The following ADAMTSL1 variants were observed in gnomAD, a reference collection of about 807,000 sequenced individuals.
ADAMTSL1 encodes ADAMTS-like protein 1.
ADAMTSL1 carries 126 observed loss-of-function variants against 201.8 expected under a neutral mutation model. The observed-to-expected ratio is 0.62, with a 90% confidence interval of 0.54 to 0.72. The LOEUF (loss-of-function observed/expected upper bound fraction) is 0.72, where lower values mean the gene tolerates loss of function less well. ADAMTSL1 is among the 30% of genes least tolerant of loss of function. ADAMTSL1 has a pLI of 0.00. For missense variants in ADAMTSL1, 2,679 were observed against 2,277.8 expected, an observed-to-expected ratio of 1.18 and a Z score of -3.59; for synonymous variants, 1,121 against 903.4, an observed-to-expected ratio of 1.24 and a Z score of -4.32.
At position 18,102,575 on chromosome 9, in the gene ADAMTSL1, A is replaced by G. The variant is rs16936314; in HGVS notation, c.88-61287A>G. On this transcript the variant is annotated intron_variant, in intron 1 of 29. Coordinates refer to the ADAMTSL1 transcript ENST00000680146. ...AATTGGAAAATGTCTTGGATGATGA[A>G]TAAGATTTTGACCAGCAAGATGTGG... 6.9e-3 allele frequency among the ~76,000 whole-genome samples: 1,049 copies of G among 152,342 alleles called. 16 individuals carry two copies. Among genetic ancestry groups the G allele is most frequent in the African/African-American group, 0.024 (998 of 41,576 alleles).
intron 20 of ADAMTSL1, among the ~76,000 whole-genome samples, chr9:18,814,588 A>G (rs1166736723): frequency 1.3e-5 from 2 of 152,226 alleles, no homozygotes; most frequent in African/African-American, 2.4e-5. Context: ...TTGTAGGAAC[A>G]TGGATGGAGC....
intron 2 of ADAMTSL1, among the ~76,000 whole-genome samples, chr9:18,186,398 A>G (rs1289113036): frequency 3.9e-5 from 6 of 152,092 alleles, no homozygotes; most frequent in Admixed American, 3.3e-4. Flanking sequence ...TTGAAGTAGG[A>G]TGATATCATG....
chr9:18,452,964 T>C (rs1290887057), intron 2 of ADAMTSL1, among the ~76,000 whole-genome samples: 3 of 152,168 alleles, frequency 2.0e-5, no homozygotes, highest in Non-Finnish European at 4.4e-5. Flanking sequence ...ATTTCCAAGG[T>C]TCCAATAGGC....
Position 18,558,194 on chromosome 9 carries a change from G to A in ADAMTSL1, c.238-15836G>A, listed in dbSNP as rs149927426. On this transcript the variant is annotated intron_variant, in intron 3 of 28. Coordinates refer to ENST00000380548, the MANE Select transcript of ADAMTSL1 (RefSeq NM_001040272.6). ...CTCCCAACAGGCCCCAGTGTGTGAC[G>A]TTCCTTTCCCTGTGTCCATGTGTTC... 7.9e-3 allele frequency among the ~76,000 whole-genome samples: 1,195 copies of A among 152,112 alleles called. 20 individuals carry two copies. The highest frequency in any genetic ancestry group is 0.027 in the African/African-American group (1,131 of 41,502).
intron 1 of ADAMTSL1, among the ~76,000 whole-genome samples, chr9:18,066,542 A>C (rs1387155495): frequency 6.6e-6 from 1 of 152,248 alleles, no homozygotes; most frequent in Non-Finnish European, 1.5e-5. Context: ...CTAGCTCTTT[A>C]CTAAAATATT....
chr9:18,741,426 G>T (rs72690516), intron 15 of ADAMTSL1, among the ~76,000 whole-genome samples: 1 of 152,296 alleles, frequency 6.6e-6, no homozygotes, highest in Non-Finnish European at 1.5e-5. Context: ...TCAAAACTGT[G>T]GATCCTGACA....
At chr9:18,803,050 C>T (rs1468464195) in intron 20 of ADAMTSL1, among the ~76,000 whole-genome samples, 1 of 152,154 alleles carries the variant, frequency 6.6e-6, no homozygotes, top group Non-Finnish European at 1.5e-5. Flanking sequence ...ATATGGCCTG[C>T]GTATTTGCTT....
intron 2 of ADAMTSL1, among the ~76,000 whole-genome samples, chr9:18,365,105 C>T (rs957488232): frequency 1.3e-5 from 2 of 152,044 alleles, no homozygotes; most frequent in African/African-American, 4.8e-5. Flanking sequence ...AGATAATGTA[C>T]AAGAATATTC....
At chr9:18,290,813 G>C (rs533703335) in intron 2 of ADAMTSL1, among the ~76,000 whole-genome samples, 4 of 141,188 alleles carry the variant, frequency 2.8e-5, no homozygotes, top group African/African-American at 8.2e-5. Context: ...GCAGAGTCTC[G>C]CTCTGTCGCC....
chr9:18,576,346 T>C (rs1018039562), intron 4 of ADAMTSL1, among the ~76,000 whole-genome samples: 1 of 152,106 alleles, frequency 6.6e-6, no homozygotes, highest in African/African-American at 2.4e-5. Context: ...AGGGAGGTAG[T>C]TTGGGAGAGA....
intron 2 of ADAMTSL1, among the ~76,000 whole-genome samples, chr9:18,466,463 G>T (rs892565721): frequency 6.6e-6 from 1 of 151,960 alleles, no homozygotes; most frequent in African/African-American, 2.4e-5. Context: ...GAAATACCCG[G>T]TTTTACCCAC....
At chr9:18,056,515 T>A (rs1822191390) in intron 1 of ADAMTSL1, among the ~76,000 whole-genome samples, 1 of 152,138 alleles carries the variant, frequency 6.6e-6, no homozygotes, top group Admixed American at 6.5e-5. Context: ...GGCACTCCCT[T>A]GCTCATCTCG....
intron 23 of ADAMTSL1, among the ~76,000 whole-genome samples, chr9:18,878,574 G>A (rs1414257110): frequency 6.6e-6 from 1 of 152,218 alleles, no homozygotes; most frequent in Non-Finnish European, 1.5e-5. Flanking sequence ...GTTCCCCAGT[G>A]AGGATGTGCA....
intron 2 of ADAMTSL1, among the ~76,000 whole-genome samples, chr9:18,448,514 C>A (rs1160877862): frequency 1.3e-5 from 2 of 152,120 alleles, no homozygotes; most frequent in Non-Finnish European, 2.9e-5. Context: ...CGACCACAGG[C>A]ACATTTGTAA....
intron 1 of ADAMTSL1, among the ~76,000 whole-genome samples, chr9:18,474,826 T>C (rs774270720): frequency 9.2e-5 from 14 of 152,164 alleles, no homozygotes; most frequent in Admixed American, 2.6e-4. Flanking sequence ...AAGTCATTTA[T>C]GGATAGAAGT....
At chr9:18,396,065 G>A (rs1817740612) in intron 2 of ADAMTSL1, among the ~76,000 whole-genome samples, 1 of 152,182 alleles carries the variant, frequency 6.6e-6, no homozygotes, top group Non-Finnish European at 1.5e-5. Context: ...TGCCTCTGAA[G>A]AGAATTTGCA....
intron 3 of ADAMTSL1, among the ~76,000 whole-genome samples, chr9:18,534,315 G>A (rs1276161398): frequency 6.6e-6 from 1 of 152,022 alleles, no homozygotes; most frequent in East Asian, 1.9e-4. Context: ...GATCCCTTTA[G>A]CCCAGGAGTT....
intron 4 of ADAMTSL1, among the ~76,000 whole-genome samples, chr9:18,580,600 G>C (rs1202797694): frequency 5.3e-5 from 8 of 152,128 alleles, no homozygotes; most frequent in Non-Finnish European, 1.2e-4. Flanking sequence ...CTTAGTTTCT[G>C]AATCTTGTTT....
intron 2 of ADAMTSL1, among the ~76,000 whole-genome samples, chr9:18,216,507 C>T (rs958160662): frequency 2.6e-5 from 4 of 152,110 alleles, no homozygotes; most frequent in Admixed American, 2.6e-4. Flanking sequence ...GGAGAAAACA[C>T]CACACAGTTT....
Sources: allele counts gnomAD v4.1 joint callset (sites outside exome capture counted in the v4.1 genomes callset), GRCh38; gene constraint gnomAD v4.1.1; transcripts MANE v1.5; gene names NCBI Gene and HGNC (gene_info 2026-07-23, HGNC 2026-07-21).